The following RILPL2 variants were observed in gnomAD, a reference collection of about 807,000 sequenced individuals.
RILPL2 encodes the protein RILP-like protein 2.
RILPL2 carries 19 observed loss-of-function variants against 22.2 expected under a neutral mutation model. That is an observed-to-expected ratio of 0.86 (90% CI 0.60 to 1.25). The LOEUF (loss-of-function observed/expected upper bound fraction) is 1.25. Among genes scored for constraint, RILPL2 ranks in the 50% most tolerant of loss-of-function variants. The pLI is 0.00. For missense variants in RILPL2, 243 were observed against 263.6 expected (o/e 0.92, Z 0.54); for synonymous variants, 123 against 111.6 (o/e 1.10, Z -0.64).
intron 3 of RILPL2, 87 bp from the exon 4 acceptor site, chr12:123,416,008 T>C: frequency 7.6e-7 from 1 of 1,317,928 alleles, no homozygotes; most frequent in Non-Finnish European, 1.1e-6. Context: ...TAAGTAGCTC[T>C]TGCAGCTGTT....
chr12:123,430,856 G>A (rs1404039068), intron 1 of RILPL2, among the ~76,000 whole-genome samples, 197 bp from the exon 2 acceptor site: 2 of 151,982 alleles, frequency 1.3e-5, no homozygotes, highest in Admixed American at 6.6e-5. Context: ...CCGCCATCAC[G>A]CCCGGCTAAT....
At chr12:123,420,616 T>C (rs895707126) in intron 3 of RILPL2, among the ~76,000 whole-genome samples, 1 of 151,474 alleles carries the variant, frequency 6.6e-6, no homozygotes, top group Non-Finnish European at 1.5e-5. Context: ...TTTGTATTTT[T>C]AGTAGAGACG....
chr12:123,419,261 G>A (rs1203537916), intron 3 of RILPL2, among the ~76,000 whole-genome samples: 1 of 151,888 alleles, frequency 6.6e-6, no homozygotes, highest in Non-Finnish European at 1.5e-5. Flanking sequence ...CTGACCTTGT[G>A]ATCTGCCCGC....
chr12:123,433,391 GC>G (rs1041189654), intron 1 of RILPL2, among the ~76,000 whole-genome samples: 5 of 151,946 alleles, frequency 3.3e-5, no homozygotes, highest in African/African-American at 1.2e-4. Context: ...GAGCCACTGC[GC>G]CCAGCCTTGG....
chr12:123,410,727 A>C (rs1878950442), downstream of RILPL2: 2 of 151,800 alleles, frequency 1.3e-5, no homozygotes, highest in East Asian at 1.9e-4. Context: ...AAAAAAAAAA[A>C]CAACACTTGG....
downstream of RILPL2, chr12:123,410,931 C>G (rs887074343): frequency 2.0e-5 from 3 of 152,176 alleles, no homozygotes; most frequent in African/African-American, 4.8e-5. Context: ...CTATGTTGCC[C>G]AAGCTAGTCT....
At chr12:123,430,768 C>G (rs1336854554) in intron 1 of RILPL2, 109 bp from the exon 2 acceptor site, 2 of 896,094 alleles carry the variant, frequency 2.2e-6, no homozygotes, top group African/African-American at 3.6e-5. Flanking sequence ...AGTGCCATGG[C>G]ACAATCTTGG....
intron 1 of RILPL2, among the ~76,000 whole-genome samples, chr12:123,433,262 G>A (rs756199507): frequency 7.2e-5 from 11 of 151,858 alleles, no homozygotes; most frequent in African/African-American, 1.4e-4. Flanking sequence ...ACGTGCCACC[G>A]TGCCCAGCTA....
chr12:123,425,045 A>G (rs1879403793), intron 2 of RILPL2, among the ~76,000 whole-genome samples: 1 of 151,668 alleles, frequency 6.6e-6, no homozygotes, highest in Non-Finnish European at 1.5e-5. Flanking sequence ...ACGCCCGGCT[A>G]ATTTTTTGTA....
At chr12:123,433,273 A>T (rs914473469) in intron 1 of RILPL2, among the ~76,000 whole-genome samples, 4 of 150,798 alleles carry the variant, frequency 2.7e-5, no homozygotes, top group Non-Finnish European at 5.9e-5. Context: ...TGCCCAGCTA[A>T]TTTTTGTATT....
Position 123,423,154 on chromosome 12 carries a change from G to A in RILPL2, c.495C>T (p.Gly165=). Residue 165 remains glycine (G), a synonymous_variant, in exon 3 of 4, where the codon GGC becomes GGT. Coordinates refer to ENST00000280571, the MANE Select transcript of RILPL2 (RefSeq NM_145058.3). The stretch of plus-strand genomic sequence containing the variant: ...CTGGGCCTTCTCTTGGTGGAATCAG[G>A]CCACTGGGAAACGGGACAAAAAATA... ...VQEELQCYKS[G]LIPPREGPGG... 6.3e-7 allele frequency: 1 copy of A among 1,591,136 alleles called. No individual in the cohort carries two copies. Among genetic ancestry groups the A allele is most frequent in the Non-Finnish European group, 8.6e-7 (1 of 1,165,534 alleles).
In RILPL2 at chr12:123,423,128, C is replaced by T. The variant is rs749962512; in HGVS notation, c.521G>A (p.Gly174Glu). The change falls in exon 3 of 4, where the codon GGA becomes GAA. Residue 174 changes from glycine to glutamate, a missense_variant. Physicochemically the swap from Gly to Glu is moderately conservative, Grantham distance 98. Transcript: ENST00000280571. ...SGLIPPREGPGGRREKDAVVT... is the reference protein window; with the variant it reads ...SGLIPPREGPEGRREKDAVVT... ...CACAGCATCTTTTTCTCTTCTTCCTCCTGGGCCTTCTCTTGGTGGAATCAG... is the reference window on the plus strand; with the variant it reads ...CACAGCATCTTTTTCTCTTCTTCCTTCTGGGCCTTCTCTTGGTGGAATCAG... The T allele has an allele frequency of 1.4e-5, 23 of 1,613,698 alleles. No homozygotes were observed. In the South Asian group the frequency reaches 2.5e-4, roughly 18 times the overall value.
intron 1 of RILPL2, 92 bp from the exon 2 acceptor site, chr12:123,430,751 A>G (rs1218816706): frequency 1.4e-5 from 14 of 984,332 alleles, no homozygotes; most frequent in Non-Finnish European, 1.8e-5. Context: ...TCTGTTGCCC[A>G]GGCTGGAGTG....
chr12:123,415,672 C>T lies in RILPL2; in HGVS notation c.*219G>A, dbSNP rs1220354062. ...CCCTTCTGTTTTTCTTGATTTCAGTCTCACTGGCCCAGGCCAAATCTTCAA... is the reference window on the plus strand; with the variant it reads ...CCCTTCTGTTTTTCTTGATTTCAGTTTCACTGGCCCAGGCCAAATCTTCAA... On this transcript the variant is annotated 3_prime_UTR_variant, in exon 4 of 4. Transcript: ENST00000280571. 2 of 656,392 alleles carry T rather than the reference C, an allele frequency of 3.0e-6. No individual in the cohort carries two copies. Among genetic ancestry groups the T allele is most frequent in the African/African-American group, 3.6e-5 (2 of 55,510 alleles). 40.7% of individuals were successfully genotyped at this position (656,392 alleles called of 1,614,324 possible).
rs1400160318 is a variant in RILPL2, at chr12:123,422,004, TC to T, written c.605+1039del. ...CATTTTTGTTTTCTTTCTTTCTCTC[TC>T]TTTTTTTTTTTTTTTGAGATAGGGT... On this transcript the variant is annotated intron_variant, in intron 3 of 3. Transcript: ENST00000280571. Among the ~76,000 whole-genome samples the T allele has an allele frequency of 1.2e-4, 15 of 127,900 alleles. No individual in the cohort carries two copies. In the South Asian group the frequency reaches 3.3e-3, roughly 28 times the overall value. The allele number at this position is 127,900 out of a possible 152,430, so 83.9% of individuals were successfully genotyped here.
chr12:123,421,367 T>G (rs1002591383), intron 3 of RILPL2, among the ~76,000 whole-genome samples: 2 of 152,056 alleles, frequency 1.3e-5, no homozygotes, highest in Admixed American at 1.3e-4. Flanking sequence ...GTATGGGGAA[T>G]TATCTTTCCC....
At chr12:123,416,210 G>C (rs982742013) in intron 3 of RILPL2, among the ~76,000 whole-genome samples, 1 of 151,866 alleles carries the variant, frequency 6.6e-6, no homozygotes, top group African/African-American at 2.4e-5. Flanking sequence ...TGTAATCCCA[G>C]CTACTCAGGA....
At chr12:123,423,825 T>TGG (rs1879359912) in intron 2 of RILPL2, among the ~76,000 whole-genome samples, 1 of 151,922 alleles carries the variant, frequency 6.6e-6, no homozygotes, top group Admixed American at 6.6e-5. Context: ...GGCTCATTTT[T>TGG]TGTATTTTTA....
At chr12:123,430,371 T>C (rs553230007) in intron 2 of RILPL2, 137 bp downstream of exon 2, 16 of 733,836 alleles carry the variant, frequency 2.2e-5, no homozygotes, top group Admixed American at 1.2e-4. Context: ...ATCGCGCCAC[T>C]GCACTCCAGC....
Sources: gnomAD v4.1 joint callset for allele counts (sites outside exome capture counted in the v4.1 genomes callset) on GRCh38, gnomAD v4.1.1 for gene constraint, MANE v1.5 for transcripts, NCBI Gene and HGNC (gene_info 2026-07-23, HGNC 2026-07-21) for gene names.